LRRC3B: variants seen among roughly 807,000 people sequenced by gnomAD.
The protein encoded by LRRC3B is leucine rich repeat containing 3B, also known as leucine-rich repeat-containing protein 3B.
In LRRC3B, 2 loss-of-function variants were observed where a neutral mutation model predicts 12.8. That is an observed-to-expected ratio of 0.16 (90% CI 0.06 to 0.49). The LOEUF (loss-of-function observed/expected upper bound fraction) is 0.49, where lower values mean the gene tolerates loss of function less well. Among genes scored for constraint, LRRC3B ranks in the 20% least tolerant of loss-of-function variants. The pLI is 0.96. For missense variants in LRRC3B, 189 were observed against 319.4 expected (o/e 0.59, Z 3.11); for synonymous variants, 132 against 122.0 (o/e 1.08, Z -0.54).
At chr3:26,635,491 CCT>C (rs371746291) in intron 1 of LRRC3B, among the ~76,000 whole-genome samples, 81 of 149,404 alleles carry the variant, frequency 5.4e-4, no homozygotes, top group Admixed American at 7.3e-4. Flanking sequence ...AAGCATGCTT[CCT>C]CTCTCTCTCT....
intron 1 of LRRC3B, among the ~76,000 whole-genome samples, chr3:26,672,399 G>T (rs900424530): frequency 6.6e-6 from 1 of 152,122 alleles, no homozygotes; most frequent in Non-Finnish European, 1.5e-5. Context: ...TTGATGCAGA[G>T]ATATGAAAAT....
chr3:26,627,760 A>T (rs548843929), intron 1 of LRRC3B, among the ~76,000 whole-genome samples: 20 of 152,168 alleles, frequency 1.3e-4, no homozygotes, highest in Non-Finnish European at 2.8e-4. Context: ...TTTTGTTTTT[A>T]TGCAAGTAGG....
At chr3:26,680,962 C>G (rs1699958546) in intron 1 of LRRC3B, among the ~76,000 whole-genome samples, 1 of 152,040 alleles carries the variant, frequency 6.6e-6, no homozygotes, top group Admixed American at 6.6e-5. Flanking sequence ...TAACATTGGA[C>G]AGGGAAGAGA....
chr3:26,670,199 G>C (rs143123494), intron 1 of LRRC3B, among the ~76,000 whole-genome samples: 38 of 152,226 alleles, frequency 2.5e-4, no homozygotes, highest in Admixed American at 3.3e-4. Context: ...TGCATTTCTT[G>C]GTAGATGCTC....
chr3:26,684,624 G>T (rs948331092), intron 1 of LRRC3B, among the ~76,000 whole-genome samples: 1 of 152,190 alleles, frequency 6.6e-6, no homozygotes, highest in South Asian at 2.1e-4. Context: ...GAAGGCAGAA[G>T]GGCAAAGAGA....
At chr3:26,703,121 G>T (rs1183132719) in intron 1 of LRRC3B, among the ~76,000 whole-genome samples, 17 of 152,072 alleles carry the variant, frequency 1.1e-4, no homozygotes, top group Admixed American at 9.8e-4. Flanking sequence ...ACTTGAATTA[G>T]CCCTGTCCCA....
intron 1 of LRRC3B, among the ~76,000 whole-genome samples, chr3:26,662,050 A>G (rs1575137839): frequency 6.6e-6 from 1 of 152,144 alleles, no homozygotes; most frequent in Admixed American, 6.5e-5. Context: ...ATATCACCCC[A>G]GCATTTACTT....
At chr3:26,626,378 T>A (rs1027593804) in intron 1 of LRRC3B, among the ~76,000 whole-genome samples, 2 of 152,218 alleles carry the variant, frequency 1.3e-5, no homozygotes, top group Non-Finnish European at 2.9e-5. Flanking sequence ...ATTCTGCAAA[T>A]GAAAGCCTCT....
intron 1 of LRRC3B, among the ~76,000 whole-genome samples, chr3:26,705,079 T>TATCA (rs371662158): frequency 8.5e-5 from 13 of 152,300 alleles, no homozygotes; most frequent in African/African-American, 3.1e-4. Context: ...TGAATGTTCC[T>TATCA]ATCATTTAAT....
rs1324189689 is a variant in LRRC3B at position 26,698,932 on chromosome 3, G to A, written c.-160-10581G>A. 6.6e-5 allele frequency among the ~76,000 whole-genome samples: 10 copies of A among 152,126 alleles called. 1 individual carries two copies. In the South Asian group the frequency reaches 1.2e-3, roughly 19 times the overall value. ...GTTGTTCCAATAATGTCCCTTTCTAGCATTTTCTTTAAATCCAGAAGTTGA... is the reference window on the plus strand; with the variant it reads ...GTTGTTCCAATAATGTCCCTTTCTAACATTTTCTTTAAATCCAGAAGTTGA... On this transcript the variant is annotated intron_variant, in intron 1 of 1. Transcript: ENST00000396641.
At chr3:26,676,712 C>T (rs1699867856) in intron 1 of LRRC3B, among the ~76,000 whole-genome samples, 1 of 152,134 alleles carries the variant, frequency 6.6e-6, no homozygotes, top group African/African-American at 2.4e-5. Flanking sequence ...CTAGAAATAC[C>T]ATTTGACCCA....
At chr3:26,680,287 G>T (rs2125440784) in intron 1 of LRRC3B, among the ~76,000 whole-genome samples, 1 of 152,270 alleles carries the variant, frequency 6.6e-6, no homozygotes, top group South Asian at 2.1e-4. Context: ...ATAATTAAAT[G>T]TATAAATTCT....
At chr3:26,642,170 G>T (rs1253228058) in intron 1 of LRRC3B, among the ~76,000 whole-genome samples, 1 of 152,162 alleles carries the variant, frequency 6.6e-6, no homozygotes, top group Admixed American at 6.5e-5. Flanking sequence ...TTCCATGTCA[G>T]GAGGCTTCAG....
At chr3:26,659,471 A>G (rs1445004939) in intron 1 of LRRC3B, among the ~76,000 whole-genome samples, 2 of 152,222 alleles carry the variant, frequency 1.3e-5, no homozygotes, top group Admixed American at 1.3e-4. Context: ...AAATAAGATA[A>G]TACATATGAA....
At chr3:26,657,139 C>G (rs919281916) in intron 1 of LRRC3B, among the ~76,000 whole-genome samples, 1 of 152,114 alleles carries the variant, frequency 6.6e-6, no homozygotes, top group African/African-American at 2.4e-5. Context: ...ATAATCACAG[C>G]TTTCTGCTTA....
intron 1 of LRRC3B, among the ~76,000 whole-genome samples, chr3:26,647,678 G>A (rs919761655): frequency 7.2e-5 from 11 of 152,100 alleles, no homozygotes; most frequent in Non-Finnish European, 1.2e-4. Flanking sequence ...ATGATTTAAC[G>A]CCTGATACAG....
chr3:26,642,986 C>T (rs1559352622), intron 1 of LRRC3B, among the ~76,000 whole-genome samples: 1 of 148,246 alleles, frequency 6.7e-6, no homozygotes, highest in Non-Finnish European at 1.5e-5. Context: ...CACTGCACTC[C>T]AGCCTGGTGA....
chr3:26,672,038 G>C (rs902210758), intron 1 of LRRC3B, among the ~76,000 whole-genome samples: 1 of 152,108 alleles, frequency 6.6e-6, no homozygotes, highest in African/African-American at 2.4e-5. Flanking sequence ...TTTCAATAAC[G>C]TGTTCTCTGC....
chr3:26,645,445 T>C (rs1384971025), intron 1 of LRRC3B, among the ~76,000 whole-genome samples: 2 of 152,166 alleles, frequency 1.3e-5, no homozygotes, highest in Admixed American at 6.6e-5. Context: ...TCATAGTGAC[T>C]GCCTGGATTC....
Sources: allele counts gnomAD v4.1 joint callset (sites outside exome capture counted in the v4.1 genomes callset), GRCh38; gene constraint gnomAD v4.1.1; transcripts MANE v1.5; gene names NCBI Gene and HGNC (gene_info 2026-07-23, HGNC 2026-07-21).